CDH18: variants seen among roughly 807,000 people sequenced by gnomAD.
The protein encoded by CDH18 is cadherin-18.
In CDH18, 31 loss-of-function variants were observed where a neutral mutation model predicts 67.9. The ratio of observed to expected loss-of-function variants is 0.46; its 90% CI spans 0.34 to 0.62. CDH18 has a LOEUF of 0.62. CDH18 is among the 20% of genes least tolerant of loss of function. The probability of loss-of-function intolerance (pLI) is 0.01; values close to 1 mark genes in which losing one functional copy is unlikely to be tolerated. For missense variants in CDH18, 890 were observed against 975.5 expected (o/e 0.91, Z 1.17); for synonymous variants, 362 against 347.2 (o/e 1.04, Z -0.48).
intron 2 of CDH18, among the ~76,000 whole-genome samples, chr5:20,005,417 C>CACACACACACACACACAA (rs71997066): frequency 3.4e-5 from 1 of 29,650 alleles, no homozygotes; most frequent in Non-Finnish European, 5.7e-5. Flanking sequence ...TATATATGTA[C>CACACACACACACACACAA]ACACACACAC....
chr5:20,379,637 T>C (rs1375816745), intron 1 of CDH18, among the ~76,000 whole-genome samples: 2 of 152,144 alleles, frequency 1.3e-5, no homozygotes, highest in East Asian at 1.9e-4. Context: ...TATAAGTATA[T>C]ATTTAGAGAG....
At chr5:19,823,679 A>G (rs1204871785) in intron 3 of CDH18, among the ~76,000 whole-genome samples, 1 of 152,182 alleles carries the variant, frequency 6.6e-6, no homozygotes, top group African/African-American at 2.4e-5. Flanking sequence ...TAAGGCAGAA[A>G]ACTAACAAAG....
At chr5:19,612,777 T>G (rs545532542) in intron 5 of CDH18, among the ~76,000 whole-genome samples, 176 bp from the exon 6 acceptor site, 20 of 152,206 alleles carry the variant, frequency 1.3e-4, no homozygotes, top group African/African-American at 4.8e-4. Context: ...TTTGAAAAAT[T>G]TACTTATCCC....
chr5:20,223,314 C>A (rs1166752462), intron 2 of CDH18, among the ~76,000 whole-genome samples: 3 of 152,148 alleles, frequency 2.0e-5, no homozygotes, highest in Non-Finnish European at 2.9e-5. Flanking sequence ...GTAATCCCTT[C>A]ATTTTAGCCA....
At chr5:19,964,681 G>T (rs1261755751) in intron 2 of CDH18, among the ~76,000 whole-genome samples, 1 of 149,440 alleles carries the variant, frequency 6.7e-6, no homozygotes, top group Non-Finnish European at 1.5e-5. Flanking sequence ...AGAAAGAAAA[G>T]ACCTTGAATG....
chr5:20,128,070 C>T (rs915455140), intron 2 of CDH18, among the ~76,000 whole-genome samples: 1 of 152,016 alleles, frequency 6.6e-6, no homozygotes, highest in African/African-American at 2.4e-5. Context: ...ACGCTAGTCT[C>T]CCCAGTGGGC....
intron 2 of CDH18, among the ~76,000 whole-genome samples, chr5:20,166,954 T>A (rs1005970601): frequency 6.6e-5 from 10 of 152,288 alleles, no homozygotes; most frequent in African/African-American, 2.2e-4. Flanking sequence ...AAGTATCTTG[T>A]AATTACCTTT....
At chr5:19,563,511 C>A (rs1282669831) in intron 8 of CDH18, among the ~76,000 whole-genome samples, 2 of 152,108 alleles carry the variant, frequency 1.3e-5, no homozygotes, top group Admixed American at 6.5e-5. Context: ...TGGGATTGCT[C>A]ATCTCTCAGT....
intron 5 of CDH18, among the ~76,000 whole-genome samples, chr5:19,654,819 G>T (rs1242163326): frequency 6.6e-6 from 1 of 152,132 alleles, no homozygotes; most frequent in Non-Finnish European, 1.5e-5. Flanking sequence ...AAAGGAGATG[G>T]ACTAGGAAGA....
At chr5:20,470,435 T>C (rs1198487507) in intron 1 of CDH18, among the ~76,000 whole-genome samples, 1 of 152,182 alleles carries the variant, frequency 6.6e-6, no homozygotes, top group Non-Finnish European at 1.5e-5. Context: ...TTCGTGTCTT[T>C]ATTCCCTTCT....
intron 2 of CDH18, among the ~76,000 whole-genome samples, chr5:20,230,493 T>A (rs115224759): frequency 0.011 from 1,693 of 152,308 alleles, 32 homozygotes; most frequent in African/African-American, 0.038. Context: ...AATTATCTTT[T>A]ATTTGGTTAC....
intron 1 of CDH18, among the ~76,000 whole-genome samples, chr5:20,440,716 ATGT>A (rs2150189933): frequency 6.6e-6 from 1 of 152,040 alleles, no homozygotes; most frequent in South Asian, 2.1e-4. Context: ...TGAAGAAAGT[ATGT>A]TGTTGTTGGA....
At chr5:20,515,121 T>C (rs1755280244) in intron 1 of CDH18, among the ~76,000 whole-genome samples, 1 of 152,042 alleles carries the variant, frequency 6.6e-6, no homozygotes, top group Non-Finnish European at 1.5e-5. Flanking sequence ...CATGTAAATA[T>C]TGTTGAATGC....
At chr5:20,438,280 G>A (rs1561002223) in intron 1 of CDH18, among the ~76,000 whole-genome samples, 1 of 150,678 alleles carries the variant, frequency 6.6e-6, no homozygotes, top group Non-Finnish European at 1.5e-5. Context: ...CTATTTGTGT[G>A]TGTGTTTGTG....
At chr5:19,690,902 G>T (rs1761775362) in intron 5 of CDH18, among the ~76,000 whole-genome samples, 1 of 151,748 alleles carries the variant, frequency 6.6e-6, no homozygotes, top group African/African-American at 2.4e-5. Context: ...GAAGAGTAGA[G>T]AATTCTTCCT....
chr5:20,309,137 A>G (rs1736765662), intron 1 of CDH18, among the ~76,000 whole-genome samples: 2 of 152,228 alleles, frequency 1.3e-5, no homozygotes, highest in African/African-American at 2.4e-5. Context: ...CTTATGCTTA[A>G]CATCATACTG....
At chr5:19,736,236 C>T (rs763349877) in intron 4 of CDH18, among the ~76,000 whole-genome samples, 1 of 152,022 alleles carries the variant, frequency 6.6e-6, no homozygotes, top group African/African-American at 2.4e-5. Context: ...AATAAAAATA[C>T]AACAATTAGC....
rs555612157 is a variant in CDH18 at position 19,680,544 on chromosome 5, C to T, written c.643+40803G>A. On this transcript the variant is annotated intron_variant, in intron 5 of 12. Transcript: ENST00000382275. ...GTGCATCTAATAAATGTATAATAGC[C>T]AGAATCCATAAATAAGTAAGAAGCA... Among the ~76,000 whole-genome samples, 9 of 151,736 alleles carry T rather than the reference C, an allele frequency of 5.9e-5. No homozygotes were observed. In the South Asian group the frequency reaches 8.3e-4, roughly 14 times the overall value.
At chr5:20,226,991 A>T (rs969408686) in intron 2 of CDH18, among the ~76,000 whole-genome samples, 2 of 152,010 alleles carry the variant, frequency 1.3e-5, no homozygotes, top group African/African-American at 2.4e-5. Context: ...GCTTTTACTC[A>T]TTCACATTCT....
Sources: gnomAD v4.1 joint callset for allele counts (sites outside exome capture counted in the v4.1 genomes callset) on GRCh38, gnomAD v4.1.1 for gene constraint, MANE v1.5 for transcripts, NCBI Gene and HGNC (gene_info 2026-07-23, HGNC 2026-07-21) for gene names.